The following NRG1 variants were observed in gnomAD, a reference collection of about 807,000 sequenced individuals.
NRG1 encodes pro-neuregulin-1, membrane-bound isoform.
NRG1 carries 18 observed loss-of-function variants against 63.8 expected under a neutral mutation model. The observed-to-expected ratio is 0.28, with a 90% CI of 0.19 to 0.42. The LOEUF (loss-of-function observed/expected upper bound fraction) is 0.42, where lower values mean the gene tolerates loss of function less well. Among genes scored for constraint, NRG1 ranks in the 10% least tolerant of loss-of-function variants. The pLI, the probability that NRG1 is intolerant of heterozygous loss-of-function variation, is 1.00. For missense variants in NRG1, 762 were observed against 814.7 expected (o/e 0.94, Z 0.79); for synonymous variants, 302 against 301.3 (o/e 1.00, Z -0.02).
intron 3 of NRG1, among the ~76,000 whole-genome samples, chr8:32,610,436 T>G (rs1346587713): frequency 6.6e-6 from 1 of 152,182 alleles, no homozygotes; most frequent in Admixed American, 6.6e-5. Flanking sequence ...TTAAGGAAGC[T>G]ATAGTAATTA....
At chr8:32,103,042 A>G (rs1830772350) in intron 1 of NRG1, among the ~76,000 whole-genome samples, 1 of 152,160 alleles carries the variant, frequency 6.6e-6, no homozygotes, top group Admixed American at 6.5e-5. Flanking sequence ...TGTGTTACAA[A>G]CAATTCAATT....
At position 32,608,100 on chromosome 8, in the gene NRG1, T is replaced by G. The variant is rs865779395; in HGVS notation, c.400+2417T>G. Among the ~76,000 whole-genome samples, 1,077 of 131,594 alleles carry G rather than the reference T, an allele frequency of 8.2e-3. 4 individuals are homozygous for G. The highest frequency in any genetic ancestry group is 0.031 in the Middle Eastern group (8 of 258). 86.3% of individuals were successfully genotyped at this position (131,594 alleles called of 152,430 possible). A position where few individuals can be genotyped will look rare whatever the true frequency, so the allele number is the denominator to read the frequency against. ...GAACCCAGGTTTTTTTTGTTTTTTT[T>G]TTTTTTGTTTTTTTTTTTTTTTGCT... On this transcript the variant is annotated intron_variant, in intron 3 of 11. Transcript: ENST00000356819.
intron 5 of NRG1, chr8:32,647,585 G>T: frequency 7.2e-7 from 1 of 1,395,284 alleles, no homozygotes; most frequent in East Asian, 2.5e-5. Context: ...AACTCTTCTT[G>T]ATTTTAATAA....
At chr8:31,698,322 C>T (rs1416045566) in intron 1 of NRG1, among the ~76,000 whole-genome samples, 1 of 152,112 alleles carries the variant, frequency 6.6e-6, no homozygotes, top group African/African-American at 2.4e-5. Flanking sequence ...ATGACAAGGA[C>T]CAATTGTGAT....
At chr8:32,734,235 A>T (rs1218491972) in intron 6 of NRG1, among the ~76,000 whole-genome samples, 2 of 152,226 alleles carry the variant, frequency 1.3e-5, no homozygotes, top group Middle Eastern at 3.2e-3. Context: ...AAATACTGAC[A>T]TAATGATGCT....
chr8:32,117,086 G>C (rs1242755716), intron 1 of NRG1, among the ~76,000 whole-genome samples: 1 of 151,760 alleles, frequency 6.6e-6, no homozygotes, highest in Non-Finnish European at 1.5e-5. Flanking sequence ...AGGTTGCAGA[G>C]AGCCATGATG....
intron 1 of NRG1, among the ~76,000 whole-genome samples, chr8:32,108,168 C>G (rs1831520631): frequency 6.6e-6 from 1 of 152,148 alleles, no homozygotes; most frequent in South Asian, 2.1e-4. Flanking sequence ...TCCCCGAAAC[C>G]TGTCAGTATG....
At chr8:32,268,920 C>G (rs1851268588) in intron 1 of NRG1, among the ~76,000 whole-genome samples, 1 of 152,146 alleles carries the variant, frequency 6.6e-6, no homozygotes, top group Non-Finnish European at 1.5e-5. Context: ...ACTTAAAGAA[C>G]AGGGATACAT....
At chr8:32,507,808 A>C (rs1053571179) in intron 1 of NRG1, among the ~76,000 whole-genome samples, 2 of 151,420 alleles carry the variant, frequency 1.3e-5, no homozygotes, top group East Asian at 2.0e-4. Context: ...AGCAATTCTC[A>C]TGCCTCAGCC....
chr8:32,183,197 C>G (rs1478113936), intron 1 of NRG1, among the ~76,000 whole-genome samples: 1 of 152,146 alleles, frequency 6.6e-6, no homozygotes, highest in East Asian at 1.9e-4. Flanking sequence ...AACGTGCGTT[C>G]TAACTGAAGA....
intron 1 of NRG1, among the ~76,000 whole-genome samples, chr8:32,194,358 T>C (rs184812977): frequency 6.6e-6 from 1 of 152,338 alleles, no homozygotes; most frequent in Admixed American, 6.5e-5. Flanking sequence ...GTTTACATTT[T>C]ACTTAACTCT....
At chr8:31,733,648 TG>T (rs34659083) in intron 1 of NRG1, among the ~76,000 whole-genome samples, 6 of 152,138 alleles carry the variant, frequency 3.9e-5, no homozygotes. Flanking sequence ...GTTACACCTG[TG>T]GAAGGGTTAC....
rs541644646 is a variant in NRG1, at chr8:31,885,843, A to C, written c.37+246412A>C. 2.6e-4 allele frequency among the ~76,000 whole-genome samples: 39 copies of C among 152,184 alleles called. No individual in the cohort carries two copies. The South Asian group carries it at 7.9e-3, about 31-fold the overall frequency. On this transcript the variant is annotated intron_variant, in intron 1 of 10. Transcript: ENST00000519301. ...TTTCAGTACACCACTGTATTACTCC[A>C]TGGTCTTGAATTTCTGAGGTCTTAA... is the stretch of plus-strand genomic sequence containing the variant.
intron 5 of NRG1, among the ~76,000 whole-genome samples, chr8:32,632,093 G>A (rs910198244): frequency 3.3e-5 from 5 of 152,092 alleles, no homozygotes; most frequent in African/African-American, 7.2e-5. Context: ...GCATTAAAAA[G>A]TAATGTTTTA....
chr8:32,589,561 G>A (rs1427109923), intron 1 of NRG1, among the ~76,000 whole-genome samples: 1 of 152,194 alleles, frequency 6.6e-6, no homozygotes, highest in Admixed American at 6.5e-5. Flanking sequence ...TTTGTTCAAT[G>A]TGTTGAGGCT....
chr8:32,418,049 AAGG>A (rs1816181609), intron 1 of NRG1, among the ~76,000 whole-genome samples: 1 of 152,124 alleles, frequency 6.6e-6, no homozygotes, highest in African/African-American at 2.4e-5. Flanking sequence ...AACAGAGGAA[AAGG>A]AGATCTATGC....
chr8:32,392,895 TAG>T (rs34281575), intron 1 of NRG1, among the ~76,000 whole-genome samples: 74,729 of 151,502 alleles, frequency 0.49, 18,924 homozygotes, highest in African/African-American at 0.53. Context: ...AGTGGAGGGG[TAG>T]AGAGAGAGAG....
intron 1 of NRG1, among the ~76,000 whole-genome samples, chr8:32,312,631 C>T (rs998347514): frequency 6.6e-6 from 1 of 151,944 alleles, no homozygotes; most frequent in African/African-American, 2.4e-5. Flanking sequence ...GGCTCCATTC[C>T]CACGAGAGAC....
chr8:32,075,819 C>T (rs967779873), intron 1 of NRG1, among the ~76,000 whole-genome samples: 6 of 152,206 alleles, frequency 3.9e-5, no homozygotes, highest in East Asian at 1.9e-4. Context: ...ATTGCAGGCA[C>T]AGGCCACCAC....
Sources: allele counts gnomAD v4.1 joint callset (sites outside exome capture counted in the v4.1 genomes callset), GRCh38; gene constraint gnomAD v4.1.1; transcripts MANE v1.5; gene names NCBI Gene and HGNC (gene_info 2026-07-23, HGNC 2026-07-21).